Variants in KCNIP4 observed in about 807,000 individuals in gnomAD.
KCNIP4 encodes Kv channel-interacting protein 4.
In KCNIP4, 12 loss-of-function variants were observed where a neutral mutation model predicts 34.0. The ratio of observed to expected loss-of-function variants is 0.35; its 90% CI spans 0.23 to 0.57. The LOEUF is 0.57. Ranked by LOEUF, KCNIP4 falls within the 20% of genes least tolerant of loss-of-function variation. The pLI is 0.83. For synonymous variants in KCNIP4, 124 were observed against 102.2 expected (o/e 1.21, Z -1.29); for missense variants, 238 against 311.7 (o/e 0.76, Z 1.78).
chr4:20,848,855 G>A (rs1359404808), intron 3 of KCNIP4, among the ~76,000 whole-genome samples: 1 of 152,158 alleles, frequency 6.6e-6, no homozygotes, highest in East Asian at 1.9e-4. Context: ...TAGCAAAGAA[G>A]TTTAGGTGTT....
At chr4:21,626,771 A>T (rs772413119) in intron 1 of KCNIP4, among the ~76,000 whole-genome samples, 72 of 152,018 alleles carry the variant, frequency 4.7e-4, no homozygotes, top group Admixed American at 1.8e-3. Flanking sequence ...TGGGAGTCAT[A>T]TGGGTTCTTT....
At position 21,831,861 on chromosome 4, in the gene KCNIP4, T is replaced by G. The variant is rs573323814; in HGVS notation, c.61+116710A>C. 2.0e-5 allele frequency among the ~76,000 whole-genome samples: 3 copies of G among 151,830 alleles called. No homozygotes were observed. The East Asian group carries it at 5.8e-4, about 30-fold the overall frequency. On this transcript the variant is annotated intron_variant, in intron 1 of 8. Coordinates refer to ENST00000382152, the MANE Select transcript of KCNIP4 (RefSeq NM_025221.6). ...ACAAGGATACTGCAAGAAAAGAAAATTACAGACAAATATCCCTGAGGAACA... is the reference window on the plus strand; with the variant it reads ...ACAAGGATACTGCAAGAAAAGAAAAGTACAGACAAATATCCCTGAGGAACA...
intron 1 of KCNIP4, among the ~76,000 whole-genome samples, chr4:21,796,931 C>T (rs1049921270): frequency 6.6e-6 from 1 of 152,128 alleles, no homozygotes; most frequent in African/African-American, 2.4e-5. Flanking sequence ...TAGCATGCTC[C>T]CTTTATATTG....
chr4:21,580,816 T>C (rs1288297601), intron 1 of KCNIP4, among the ~76,000 whole-genome samples: 2 of 152,044 alleles, frequency 1.3e-5, no homozygotes, highest in Admixed American at 6.5e-5. Flanking sequence ...ATTAAAAACA[T>C]GGTATACAGA....
intron 1 of KCNIP4, among the ~76,000 whole-genome samples, chr4:21,649,195 G>A (rs1345626564): frequency 6.6e-6 from 1 of 152,146 alleles, no homozygotes; most frequent in Admixed American, 6.5e-5. Context: ...GAATGGCCTA[G>A]AGGAAAAGCA....
chr4:21,109,587 G>C (rs527639562), intron 1 of KCNIP4, among the ~76,000 whole-genome samples: 1 of 152,190 alleles, frequency 6.6e-6, no homozygotes. Context: ...GCTTTGGCTC[G>C]CGCATGGTGC....
chr4:21,420,022 G>A (rs1179730952), intron 1 of KCNIP4, among the ~76,000 whole-genome samples: 1 of 152,046 alleles, frequency 6.6e-6, no homozygotes, highest in Non-Finnish European at 1.5e-5. Flanking sequence ...CAAGAGCTAG[G>A]TCAGACCTCT....
intron 1 of KCNIP4, among the ~76,000 whole-genome samples, chr4:21,781,166 T>C (rs1463745937): frequency 6.6e-6 from 1 of 152,198 alleles, no homozygotes; most frequent in African/African-American, 2.4e-5. Flanking sequence ...GTTTCCCCCA[T>C]GCTGTTCTCA....
intron 1 of KCNIP4, among the ~76,000 whole-genome samples, chr4:21,881,503 G>T (rs1310825911): frequency 4.7e-5 from 3 of 63,408 alleles, no homozygotes; most frequent in African/African-American, 9.1e-5. Context: ...ACTATAACTA[G>T]GTCACTGTCC....
chr4:21,892,427 T>C (rs1727151074), intron 1 of KCNIP4, among the ~76,000 whole-genome samples: 1 of 151,846 alleles, frequency 6.6e-6, no homozygotes, highest in Non-Finnish European at 1.5e-5. Context: ...GGGAAGTTTT[T>C]GTGGTGCTCA....
Position 21,157,071 on chromosome 4 carries a change from C to T in KCNIP4, c.62-274362G>A, listed in dbSNP as rs553814583. Among the ~76,000 whole-genome samples the T allele has an allele frequency of 3.3e-5, 5 of 152,166 alleles. No homozygotes were observed. In the South Asian group the frequency reaches 6.2e-4, roughly 19 times the overall value. On this transcript the variant is annotated intron_variant, in intron 1 of 8. Coordinates refer to ENST00000382152, the MANE Select transcript of KCNIP4 (RefSeq NM_025221.6). Reference sequence around the variant, plus strand: ...TGCTTGGATCAGAACATGACCTCTTCGGCCTTGAGTAAGACATGTAACCTC... The same window carrying T: ...TGCTTGGATCAGAACATGACCTCTTTGGCCTTGAGTAAGACATGTAACCTC...
intron 1 of KCNIP4, among the ~76,000 whole-genome samples, chr4:21,423,346 AAC>A (rs1236335991): frequency 1.3e-5 from 2 of 152,250 alleles, no homozygotes; most frequent in Admixed American, 1.3e-4. Context: ...TATTGCTACT[AAC>A]ATTGCAAGCG....
intron 1 of KCNIP4, among the ~76,000 whole-genome samples, chr4:20,982,896 T>G (rs1312576203): frequency 6.6e-6 from 1 of 152,216 alleles, no homozygotes; most frequent in Non-Finnish European, 1.5e-5. Context: ...CATATCCATA[T>G]CTGGAAGAAA....
chr4:20,820,139 G>A (rs11735609), intron 3 of KCNIP4, among the ~76,000 whole-genome samples: 42,532 of 152,110 alleles, frequency 0.28, 7,394 homozygotes, highest in Non-Finnish European at 0.39. Flanking sequence ...ACTCAAAAGA[G>A]AACAGCTGTA....
intron 1 of KCNIP4, among the ~76,000 whole-genome samples, chr4:21,539,267 C>T (rs1436252607): frequency 1.3e-5 from 2 of 152,210 alleles, no homozygotes; most frequent in Non-Finnish European, 2.9e-5. Context: ...TGAACTGCCA[C>T]AAATGCAATA....
At chr4:20,993,861 C>T (rs997829369) in intron 1 of KCNIP4, among the ~76,000 whole-genome samples, 8 of 152,178 alleles carry the variant, frequency 5.3e-5, no homozygotes, top group Admixed American at 3.3e-4. Flanking sequence ...GGCAGGACCA[C>T]GTTCCTATTG....
At chr4:21,615,951 T>C (rs1176176933) in intron 1 of KCNIP4, among the ~76,000 whole-genome samples, 4 of 152,236 alleles carry the variant, frequency 2.6e-5, no homozygotes, top group Admixed American at 1.3e-4. Flanking sequence ...CTGGTTTCTA[T>C]CCATGCCCTT....
intron 1 of KCNIP4, among the ~76,000 whole-genome samples, chr4:21,109,408 G>A (rs1177419878): frequency 6.6e-6 from 1 of 152,272 alleles, no homozygotes; most frequent in Non-Finnish European, 1.5e-5. Context: ...TCTGAGCCAG[G>A]TGCGGGATAT....
chr4:21,602,673 T>A (rs1743287615), intron 1 of KCNIP4, among the ~76,000 whole-genome samples: 1 of 152,214 alleles, frequency 6.6e-6, no homozygotes, highest in African/African-American at 2.4e-5. Context: ...TTTGGTCATT[T>A]ATGGCTAATG....
Sources: gnomAD v4.1 joint callset for allele counts (sites outside exome capture counted in the v4.1 genomes callset) on GRCh38, gnomAD v4.1.1 for gene constraint, MANE v1.5 for transcripts, NCBI Gene and HGNC (gene_info 2026-07-23, HGNC 2026-07-21) for gene names.